TP63: variants seen among roughly 807,000 people sequenced by gnomAD.
TP63 encodes the protein tumor protein p63.
In TP63, 17 loss-of-function variants were observed where a neutral mutation model predicts 82.8. The ratio of observed to expected loss-of-function variants is 0.21; its 90% CI spans 0.14 to 0.31. The LOEUF is 0.31. TP63 is among the 10% of genes least tolerant of loss of function. TP63 has a pLI of 1.00. For missense variants in TP63, 648 were observed against 895.3 expected, an observed-to-expected ratio of 0.72 and a Z score of 3.52; for synonymous variants, 330 against 321.7, an observed-to-expected ratio of 1.03 and a Z score of -0.28.
intron 1 of TP63, among the ~76,000 whole-genome samples, chr3:189,648,953 T>A (rs1712653108): frequency 6.8e-6 from 1 of 147,254 alleles, no homozygotes; most frequent in South Asian, 2.2e-4. Context: ...AGGATTAAAT[T>A]CCTGGAATCT....
chr3:189,844,379 G>C, intron 4 of TP63: 2 of 359,104 alleles, frequency 5.6e-6, no homozygotes, highest in Non-Finnish European at 5.7e-6. Context: ...TCCGCCTTCT[G>C]GATTCAAGCG....
chr3:189,805,859 C>T (rs751286386), intron 3 of TP63, among the ~76,000 whole-genome samples: 11 of 152,086 alleles, frequency 7.2e-5, no homozygotes, highest in Non-Finnish European at 1.5e-4. Context: ...GAAATGTTGC[C>T]TCAAGGCCAA....
chr3:189,801,084 A>G (rs1726255232), intron 3 of TP63, among the ~76,000 whole-genome samples: 1 of 152,134 alleles, frequency 6.6e-6, no homozygotes, highest in African/African-American at 2.4e-5. Flanking sequence ...TATACTACCA[A>G]CATTATTTAA....
chr3:189,754,743 G>T (rs528256418), intron 3 of TP63, among the ~76,000 whole-genome samples: 1 of 152,116 alleles, frequency 6.6e-6, no homozygotes, highest in Non-Finnish European at 1.5e-5. Flanking sequence ...TACAAAGAAA[G>T]CATCTCTATT....
At chr3:189,624,128 A>G in the TP63 span, among the ~76,000 whole-genome samples, 1 of 152,108 alleles carries the variant, frequency 6.6e-6, no homozygotes, top group African/African-American at 2.4e-5. Context: ...TATGTTTTTG[A>G]AATTATTTAG....
At chr3:189,860,007 G>A (rs1716821385) in intron 4 of TP63, among the ~76,000 whole-genome samples, 1 of 152,120 alleles carries the variant, frequency 6.6e-6, no homozygotes, top group African/African-American at 2.4e-5. Context: ...AAGATAATTG[G>A]AACAGGAATG....
chr3:189,639,305 A>C (rs1277437670), intron 1 of TP63, among the ~76,000 whole-genome samples: 1 of 152,130 alleles, frequency 6.6e-6, no homozygotes, highest in Non-Finnish European at 1.5e-5. Context: ...GGTGATGTGT[A>C]CTTATTGGTT....
intron 1 of TP63, among the ~76,000 whole-genome samples, chr3:189,716,803 C>G (rs1718992558): frequency 6.9e-6 from 1 of 145,666 alleles, no homozygotes. Flanking sequence ...CTCTTAGTAT[C>G]TTTTTTTTTT....
intron 3 of TP63, among the ~76,000 whole-genome samples, chr3:189,773,060 C>G (rs76758264): frequency 6.6e-6 from 1 of 152,084 alleles, no homozygotes; most frequent in Non-Finnish European, 1.5e-5. Flanking sequence ...GAAAGATCAG[C>G]GGTAAAGATT....
At chr3:189,804,927 CATCA>C (rs775957293) in intron 3 of TP63, among the ~76,000 whole-genome samples, 23 of 152,184 alleles carry the variant, frequency 1.5e-4, no homozygotes, top group Non-Finnish European at 7.3e-5. Context: ...GCTGATTTCT[CATCA>C]ATCCTAAGAA....
chr3:189,627,346 G>A (rs1729342476), upstream of TP63, among the ~76,000 whole-genome samples: 1 of 152,140 alleles, frequency 6.6e-6, no homozygotes, highest in Non-Finnish European at 1.5e-5. Flanking sequence ...AGGTTCAGCA[G>A]CTATAATAAG....
chr3:189,607,438 A>G, the TP63 span, among the ~76,000 whole-genome samples: 2 of 152,306 alleles, frequency 1.3e-5, no homozygotes, highest in East Asian at 1.9e-4. Context: ...AACTTAATAG[A>G]AAAAGGTTAT....
chr3:189,708,965 C>T (rs923596038), intron 1 of TP63, among the ~76,000 whole-genome samples: 5 of 152,104 alleles, frequency 3.3e-5, no homozygotes, highest in Admixed American at 6.6e-5. Context: ...CAGTTTCCAC[C>T]AAAAGCAATC....
At chr3:189,655,242 C>T (rs900482133) in intron 1 of TP63, among the ~76,000 whole-genome samples, 2 of 152,118 alleles carry the variant, frequency 1.3e-5, no homozygotes, top group Admixed American at 1.3e-4. Context: ...TGGAGGTTGT[C>T]ACTCCTCTTA....
intron 3 of TP63, among the ~76,000 whole-genome samples, chr3:189,755,933 A>G (rs1722157395): frequency 6.6e-6 from 1 of 152,178 alleles, no homozygotes; most frequent in Admixed American, 6.5e-5. Flanking sequence ...AAGGGATAGT[A>G]GTTTTGGCTG....
intron 4 of TP63, among the ~76,000 whole-genome samples, chr3:189,812,891 G>T (rs2108650011): frequency 6.6e-6 from 1 of 152,178 alleles, no homozygotes; most frequent in South Asian, 2.1e-4. Context: ...TTTTCTTAAA[G>T]CTTTTGGGCT....
At chr3:189,849,486 C>A (rs369438146) in intron 4 of TP63, among the ~76,000 whole-genome samples, 2 of 152,030 alleles carry the variant, frequency 1.3e-5, no homozygotes, top group East Asian at 3.9e-4. Flanking sequence ...GAAAAACTCC[C>A]ACACATTTGG....
At chr3:189,676,120 A>T (rs1715375141) in intron 1 of TP63, among the ~76,000 whole-genome samples, 1 of 152,196 alleles carries the variant, frequency 6.6e-6, no homozygotes, top group Admixed American at 6.6e-5. Flanking sequence ...AAGCAAGCTA[A>T]TTAAAATGTC....
chr3:189,759,700 G>A (rs553367597), intron 3 of TP63, among the ~76,000 whole-genome samples: 25 of 152,268 alleles, frequency 1.6e-4, no homozygotes, highest in Non-Finnish European at 3.1e-4. Flanking sequence ...GAGTGTCTGC[G>A]TTGAGATAAG....
Sources: allele counts gnomAD v4.1 joint callset (sites outside exome capture counted in the v4.1 genomes callset), GRCh38; gene constraint gnomAD v4.1.1; transcripts MANE v1.5; gene names NCBI Gene and HGNC (gene_info 2026-07-23, HGNC 2026-07-21).